Variants in IL17RD observed in about 807,000 individuals in gnomAD.
The protein encoded by IL17RD is interleukin-17 receptor D.
In IL17RD, 52 loss-of-function variants were observed where a neutral mutation model predicts 80.5. The ratio of observed to expected loss-of-function variants is 0.65; its 90% CI spans 0.52 to 0.81. The LOEUF is 0.81. IL17RD is among the 40% of genes least tolerant of loss of function. The probability of loss-of-function intolerance (pLI) is 0.00; values close to 1 mark genes in which losing one functional copy is unlikely to be tolerated. For missense variants in IL17RD, 1,024 were observed against 955.1 expected (o/e 1.07, Z -0.95); for synonymous variants, 416 against 391.8 (o/e 1.06, Z -0.73).
intron 1 of IL17RD, among the ~76,000 whole-genome samples, chr3:57,127,369 T>TATATAAAA (rs1482794586): frequency 1.2e-5 from 1 of 85,966 alleles, no homozygotes; most frequent in Non-Finnish European, 1.9e-5. Flanking sequence ...AATATAAATA[T>TATATAAAA]ATATATATAA....
At position 57,097,693 on chromosome 3, in the gene IL17RD, G is replaced by C. The variant is rs377457109; in HGVS notation, c.2010C>G (p.Pro670=). The part of the protein sequence containing the change: ...RDSGIYDSSV[P]SSELSLPLME... ...TCAGTGGCAGAGACAGCTCGGATGA[G>C]GGCACAGACGAGTCATAGATGCCTG... is the stretch of plus-strand genomic sequence containing the variant. The change falls in exon 12 of 13, where the codon CCC becomes CCG. Residue 670 remains proline, a synonymous_variant. Transcript: ENST00000296318. 1.5e-5 allele frequency: 24 copies of C among 1,605,400 alleles called. No individual in the cohort carries two copies. The highest frequency in any genetic ancestry group is 2.0e-5 in the Non-Finnish European group (24 of 1,176,116).
At chr3:57,104,936 A>G (rs574268774) in intron 7 of IL17RD, among the ~76,000 whole-genome samples, 163 of 152,270 alleles carry the variant, frequency 1.1e-3, no homozygotes, top group Middle Eastern at 3.4e-3. Context: ...TCCTGTGAAC[A>G]TCCATGAAAC....
intron 3 of IL17RD, among the ~76,000 whole-genome samples, chr3:57,113,559 G>C (rs529920462): frequency 1.3e-5 from 2 of 152,174 alleles, no homozygotes; most frequent in Admixed American, 1.3e-4. Flanking sequence ...TAAAGAGACA[G>C]GGTCTCTCAC....
chr3:57,160,133 A>G (rs920608323), intron 1 of IL17RD, among the ~76,000 whole-genome samples: 2 of 152,030 alleles, frequency 1.3e-5, no homozygotes, highest in Non-Finnish European at 2.9e-5. Flanking sequence ...GATCATGCCA[A>G]TGCACTCCAG....
At chr3:57,104,320 G>C in intron 8 of IL17RD, 22 bp downstream of exon 8, 1 of 1,541,910 alleles carries the variant, frequency 6.5e-7, no homozygotes, top group Non-Finnish European at 8.9e-7. Flanking sequence ...GCATTAATAG[G>C]GCTTTCTTGT....
At chr3:57,146,570 G>C (rs1326318065) in intron 1 of IL17RD, among the ~76,000 whole-genome samples, 1 of 151,880 alleles carries the variant, frequency 6.6e-6, no homozygotes, top group African/African-American at 2.4e-5. Flanking sequence ...GATCAACATG[G>C]AGAAACCCCA....
chr3:57,162,455 G>A (rs2060311879), intron 1 of IL17RD, among the ~76,000 whole-genome samples: 1 of 152,116 alleles, frequency 6.6e-6, no homozygotes, highest in South Asian at 2.1e-4. Context: ...ATTTGGTAGG[G>A]GACCCAAACA....
At chr3:57,155,185 C>T (rs1055755481) in intron 1 of IL17RD, among the ~76,000 whole-genome samples, 1 of 152,242 alleles carries the variant, frequency 6.6e-6, no homozygotes, top group Admixed American at 6.5e-5. Context: ...ACGAGACCTG[C>T]ACCTCTGTTA....
intron 1 of IL17RD, among the ~76,000 whole-genome samples, chr3:57,161,318 T>C (rs2060303220): frequency 6.6e-6 from 1 of 152,208 alleles, no homozygotes; most frequent in East Asian, 1.9e-4. Flanking sequence ...CAATTCAGAA[T>C]CAAATAAACA....
chr3:57,127,330 A>C (rs1181818020), intron 1 of IL17RD, among the ~76,000 whole-genome samples: 1 of 109,422 alleles, frequency 9.1e-6, no homozygotes, highest in African/African-American at 4.2e-5. Context: ...ATATATAAAT[A>C]TATATAAAAA....
intron 1 of IL17RD, chr3:57,142,447 A>G (rs890688924): frequency 1.7e-6 from 2 of 1,210,124 alleles, no homozygotes; most frequent in Non-Finnish European, 2.2e-6. Flanking sequence ...TGGCTCACCC[A>G]CTAACCTGCT....
intron 5 of IL17RD, among the ~76,000 whole-genome samples, chr3:57,106,611 A>G (rs544673009): frequency 1.3e-5 from 2 of 152,242 alleles, no homozygotes; most frequent in South Asian, 2.1e-4. Context: ...CTTCACTAGT[A>G]TTCTAATTTA....
At chr3:57,136,622 C>G (rs1195928881) in intron 1 of IL17RD, among the ~76,000 whole-genome samples, 37 of 147,660 alleles carry the variant, frequency 2.5e-4, no homozygotes, top group African/African-American at 9.1e-4. Context: ...CTACCCCTCC[C>G]CCGCCCCCAA....
chr3:57,159,886 G>C (rs1363999061), intron 1 of IL17RD, among the ~76,000 whole-genome samples: 2 of 152,134 alleles, frequency 1.3e-5, no homozygotes, highest in Non-Finnish European at 2.9e-5. Flanking sequence ...AAGAGGCAGT[G>C]GGGGGCCAGG....
Position 57,098,072 on chromosome 3 carries a change from A to G in IL17RD, c.1631T>C (p.Val544Ala). The change falls in exon 12 of 13, where the codon GTC becomes GCC. Residue 544 changes from valine (V) to alanine (A), a missense_variant. Coordinates refer to ENST00000296318, the MANE Select transcript of IL17RD (RefSeq NM_017563.5). The part of the protein sequence containing the change: ...FRSKSGRSLY[V>A]AICNMHQFID... ...AAACTGGTGCATGTTGCAAATGGCGACGTATAGGGACCGGCCTGACTTGCT... is the reference window on the plus strand; with the variant it reads ...AAACTGGTGCATGTTGCAAATGGCGGCGTATAGGGACCGGCCTGACTTGCT... 6.2e-7 allele frequency: 1 copy of G among 1,613,956 alleles called. No individual in the cohort carries two copies. The highest frequency in any genetic ancestry group is 8.5e-7 in the Non-Finnish European group (1 of 1,179,878).
chr3:57,101,707 C>G lies in IL17RD; in HGVS notation c.980-344G>C, dbSNP rs373780109. On this transcript the variant is annotated intron_variant, in intron 10 of 12. Coordinates refer to ENST00000296318, the MANE Select transcript of IL17RD (RefSeq NM_017563.5). ...ACCTAGTAGACCAATTAAGCACAGG[C>G]AGAGCTGATTTTTTTTAAAAGTTTT... 6.0e-4 allele frequency among the ~76,000 whole-genome samples: 92 copies of G among 152,320 alleles called. 1 individual carries two copies. The highest frequency in any genetic ancestry group is 2.2e-3 in the African/African-American group (91 of 41,578).
rs1559476902 is a variant in IL17RD, at chr3:57,127,283, T to TAAATATATATAA, written c.127-6982_127-6971dup. ...ATATAAATATATATAAAAATATATA[T>TAAATATATATAA]AAATATATATAAATATATATAAAAA... On this transcript the variant is annotated intron_variant, in intron 1 of 12. Transcript: ENST00000296318. Among the ~76,000 whole-genome samples, 26 of 64,694 alleles carry TAAATATATATAA rather than the reference T, an allele frequency of 4.0e-4. 2 individuals are homozygous for TAAATATATATAA. The highest frequency in any genetic ancestry group is 8.7e-4 in the African/African-American group (12 of 13,752). The allele number at this position is 64,694 out of a possible 152,430, so 42.4% of individuals were successfully genotyped here. A position where few individuals can be genotyped will look rare whatever the true frequency, so the allele number is the denominator to read the frequency against.
At chr3:57,108,486 A>T (rs1707015088) in intron 5 of IL17RD, among the ~76,000 whole-genome samples, 1 of 113,466 alleles carries the variant, frequency 8.8e-6, no homozygotes, top group Non-Finnish European at 1.9e-5. Context: ...TTTTTTCTTT[A>T]ATCTAATCGT....
chr3:57,169,174 G>T (rs146029173), upstream of IL17RD: 254 of 498,276 alleles, frequency 5.1e-4, no homozygotes, highest in African/African-American at 4.0e-3. Flanking sequence ...GCTCAGCTGT[G>T]GAGGTGACCA....
Sources: gnomAD v4.1 joint callset for allele counts (sites outside exome capture counted in the v4.1 genomes callset) on GRCh38, gnomAD v4.1.1 for gene constraint, MANE v1.5 for transcripts, NCBI Gene and HGNC (gene_info 2026-07-23, HGNC 2026-07-21) for gene names.